The following ANHX variants were observed in gnomAD, a reference collection of about 807,000 sequenced individuals.
ANHX encodes the protein anomalous homeobox protein.
In ANHX, 20 loss-of-function variants were observed where a neutral mutation model predicts 38.9. The ratio of observed to expected loss-of-function variants is 0.51; its 90% confidence interval spans 0.36 to 0.75. The LOEUF (loss-of-function observed/expected upper bound fraction) is 0.75. ANHX is among the 30% of genes least tolerant of loss of function. ANHX has a pLI of 0.00. For synonymous variants in ANHX, 185 were observed against 203.1 expected (o/e 0.91, Z 0.76); for missense variants, 475 against 493.1 (o/e 0.96, Z 0.35).
At chr12:133,219,660 G>A (rs1667277597) in intron 8 of ANHX, among the ~76,000 whole-genome samples, 2 of 152,168 alleles carry the variant, frequency 1.3e-5, no homozygotes, top group Admixed American at 1.3e-4. Flanking sequence ...CCTCAAAGGA[G>A]GAAGAGCCGG....
chr12:133,228,169 G>T (rs1957216353), intron 3 of ANHX, among the ~76,000 whole-genome samples: 1 of 152,146 alleles, frequency 6.6e-6, no homozygotes, highest in African/African-American at 2.4e-5. Flanking sequence ...ACTGTGAGGA[G>T]CCCTCTGTGG....
intron 8 of ANHX, among the ~76,000 whole-genome samples, chr12:133,219,702 C>T (rs757132132): frequency 6.6e-5 from 10 of 152,172 alleles, no homozygotes; most frequent in South Asian, 4.1e-4. Context: ...GGACAAGGGG[C>T]GGTGGTTCTT....
chr12:133,227,791 ACCCCCTGGGT>A (rs1002087697), intron 4 of ANHX, 23 bp downstream of exon 4: 1 of 1,533,468 alleles, frequency 6.5e-7, no homozygotes, highest in Non-Finnish European at 8.7e-7. Context: ...CCAGGCAGGG[ACCCCCTGGGT>A]CCTGGGTATC....
chr12:133,231,769 G>A, intron 2 of ANHX, 125 bp from the exon 3 acceptor site: 2 of 1,246,448 alleles, frequency 1.6e-6, no homozygotes, highest in Non-Finnish European at 2.2e-6. Flanking sequence ...CAGGGTTCTG[G>A]GTTCAAATTC....
intron 8 of ANHX, among the ~76,000 whole-genome samples, chr12:133,220,845 C>G (rs1353007109): frequency 6.6e-6 from 1 of 152,184 alleles, no homozygotes; most frequent in African/African-American, 2.4e-5. Context: ...ACCCCAAGTC[C>G]CTTGAAAACT....
chr12:133,230,981 C>A (rs1220063313), intron 3 of ANHX, among the ~76,000 whole-genome samples: 1 of 152,214 alleles, frequency 6.6e-6, no homozygotes, highest in Non-Finnish European at 1.5e-5. Flanking sequence ...TATCATGTGC[C>A]TGGCACTATT....
chr12:133,235,565 C>G (rs920012402), intron 1 of ANHX: 5 of 151,564 alleles, frequency 3.3e-5, no homozygotes, highest in African/African-American at 1.2e-4. Flanking sequence ...CCACCCTCAG[C>G]CCCACCCCGG....
At position 133,221,675 on chromosome 12, in the gene ANHX, C is replaced by T. The variant is rs546504110; in HGVS notation, c.1133-323G>A. On this transcript the variant is annotated intron_variant, in intron 7 of 9. Transcript: ENST00000545940. This position sits in a 1 kb window ranked among gnomAD's most constrained non-coding sequence, Gnocchi z 4.1. ...TGCAGCTTGCTCCGTCCTGCTGGTG[C>T]GGAAGGATGTGCCAGGAGCCCTCAG... 4.6e-5 allele frequency among the ~76,000 whole-genome samples: 7 copies of T among 152,226 alleles called. No homozygotes were observed. The highest frequency in any genetic ancestry group is 2.1e-4 in the South Asian group (1 of 4,824).
At chr12:133,232,656 G>A (rs139179555) in intron 2 of ANHX, among the ~76,000 whole-genome samples, 11,057 of 152,246 alleles carry the variant, frequency 0.073, 621 homozygotes, top group African/African-American at 0.16. Flanking sequence ...CTCCTCAGAC[G>A]TACCTGTGGG....
At chr12:133,219,579 G>A (rs1957080900) in intron 8 of ANHX, among the ~76,000 whole-genome samples, 1 of 152,138 alleles carries the variant, frequency 6.6e-6, no homozygotes, top group African/African-American at 2.4e-5. Context: ...GGGTCATAGG[G>A]GCAACTGCAC....
rs149309978 is a variant in ANHX, at chr12:133,234,363, C to T, written c.-7G>A. 4 of 1,530,956 alleles carry T rather than the reference C, an allele frequency of 2.6e-6. No individual in the cohort carries two copies. In the East Asian group the frequency reaches 9.8e-5, roughly 38 times the overall value. 94.8% of individuals were successfully genotyped at this position (1,530,956 alleles called of 1,614,324 possible). On this transcript the variant is annotated 5_prime_UTR_variant, in exon 2 of 10. Transcript: ENST00000545940. ...GAGTCAGGAAGCTCTGCATCCTGTG[C>T]TGGGTCGTGGCCACTCTGCCAACAC...
At chr12:133,219,132 A>G in intron 9 of ANHX, 151 bp downstream of exon 9, 2 of 977,624 alleles carry the variant, frequency 2.0e-6, no homozygotes, top group East Asian at 2.6e-5. Context: ...CTCCCAGTCC[A>G]GTAATGTCCA....
chr12:133,221,436 G>A lies in ANHX; in HGVS notation c.1133-84C>T. 1 of 1,439,572 alleles carries A rather than the reference G, an allele frequency of 6.9e-7. No individual in the cohort carries two copies. The highest frequency in any genetic ancestry group is 9.2e-7 in the Non-Finnish European group (1 of 1,090,182). 89.2% of individuals were successfully genotyped at this position (1,439,572 alleles called of 1,614,324 possible). A position where few individuals can be genotyped will look rare whatever the true frequency, so the allele number is the denominator to read the frequency against. On this transcript the variant is annotated intron_variant, in intron 7 of 9. Coordinates refer to ENST00000545940, the MANE Select transcript of ANHX (RefSeq NM_001372060.1). This position sits in a 1 kb window ranked among gnomAD's most constrained non-coding sequence, Gnocchi z 4.1. ...GACACAACCAAGACCTCAAAGCACG[G>A]AGGCGGATGCAGCCTCCGGCCCAGC... is the stretch of plus-strand genomic sequence containing the variant.
At chr12:133,227,338 C>T (rs563996373) in intron 4 of ANHX, among the ~76,000 whole-genome samples, 186 bp from the exon 5 acceptor site, 1 of 152,348 alleles carries the variant, frequency 6.6e-6, no homozygotes, top group East Asian at 1.9e-4. Flanking sequence ...TGGGCTGATC[C>T]CCATCCCCTG....
chr12:133,235,490 C>G (rs1273984956), intron 1 of ANHX: 1 of 151,138 alleles, frequency 6.6e-6, no homozygotes, highest in African/African-American at 2.5e-5. Context: ...AGCCCCCCTA[C>G]CTTTCTGGCA....
Position 133,234,321 on chromosome 12 carries a change from C to T in ANHX, c.36G>A (p.Glu12=). ...QSFLTLLKEH[E]DTCAPPAELV... is the part of the protein sequence containing the mutation. ...GCTCCGCCGGGGGTGCACAGGTGTC[C>T]TCATGCTCCTTCAGCAGAGTCAGGA... The change falls in exon 2 of 10, where the codon GAG becomes GAA. Residue 12 remains glutamate, a synonymous_variant. Coordinates refer to ENST00000545940, the MANE Select transcript of ANHX (RefSeq NM_001372060.1). The T allele has an allele frequency of 6.5e-7, 1 of 1,536,066 alleles. No homozygotes were observed. The highest frequency in any genetic ancestry group is 8.7e-7 in the Non-Finnish European group (1 of 1,146,862).
chr12:133,232,230 T>G (rs1009900893), intron 2 of ANHX, among the ~76,000 whole-genome samples: 1 of 152,210 alleles, frequency 6.6e-6, no homozygotes, highest in Admixed American at 6.5e-5. Context: ...AGTACACCCA[T>G]CCACTTAACT....
chr12:133,223,195 A>AT (rs1555306718), intron 7 of ANHX, among the ~76,000 whole-genome samples: 88 of 150,836 alleles, frequency 5.8e-4, no homozygotes, highest in African/African-American at 8.1e-4. Flanking sequence ...GCCTCAAAAA[A>AT]AAATATATAT....
At chr12:133,224,962 CA>C (rs556045604) in intron 7 of ANHX, among the ~76,000 whole-genome samples, 7,403 of 87,268 alleles carry the variant, frequency 0.085, 222 homozygotes, top group Non-Finnish European at 0.11. Context: ...GACTCCGTCT[CA>C]AAAAAAAAAA....
Sources: allele counts gnomAD v4.1 joint callset (sites outside exome capture counted in the v4.1 genomes callset), GRCh38; gene constraint gnomAD v4.1.1; non-coding constraint Gnocchi (gnomAD v3.1); transcripts MANE v1.5; gene names NCBI Gene and HGNC (gene_info 2026-07-23, HGNC 2026-07-21).